The following TUBB3 variants were observed in gnomAD, a reference collection of about 807,000 sequenced individuals.
TUBB3 encodes the protein tubulin beta 3 class III, also known as tubulin beta-3 chain.
In TUBB3, 17 loss-of-function variants were observed where a neutral mutation model predicts 37.8. The observed-to-expected ratio is 0.45, with a 90% CI of 0.31 to 0.67. The LOEUF is 0.67. Ranked by LOEUF, TUBB3 falls within the 30% of genes least tolerant of loss-of-function variation. The probability of loss-of-function intolerance (pLI) is 0.07; values close to 1 mark genes in which losing one functional copy is unlikely to be tolerated. For missense variants in TUBB3, 262 were observed against 657.9 expected, an observed-to-expected ratio of 0.40 and a Z score of 6.58; for synonymous variants, 332 against 278.9, an observed-to-expected ratio of 1.19 and a Z score of -1.90.
intron 3 of TUBB3, 33 bp from the exon 4 acceptor site, chr16:89,934,696 C>T (rs1427412163): frequency 4.4e-6 from 7 of 1,605,438 alleles, no homozygotes; most frequent in East Asian, 2.2e-5. Flanking sequence ...GAGTCCCTGG[C>T]CCCTGTCTCT....
At chr16:89,934,626 C>A in intron 3 of TUBB3, 103 bp from the exon 4 acceptor site, 2 of 1,153,694 alleles carry the variant, frequency 1.7e-6, no homozygotes, top group East Asian at 2.5e-5. Context: ...ACAGAACAGG[C>A]ATGGGGCTGC....
At chr16:89,933,708 TCTCTCCATTTTACAGCTGGG>T in intron 3 of TUBB3, 130 bp downstream of exon 3, 1 of 806,718 alleles carries the variant, frequency 1.2e-6, no homozygotes, top group Non-Finnish European at 2.2e-6. Flanking sequence ...TGGGAACTCA[TCTCTCCATTTTACAGCTGGG>T]CATTGGAGGC....
intron 1 of TUBB3, among the ~76,000 whole-genome samples, chr16:89,926,117 G>A (rs1241604449): frequency 6.6e-6 from 1 of 152,152 alleles, no homozygotes; most frequent in Non-Finnish European, 1.5e-5. Flanking sequence ...CCCCACTGCC[G>A]CAGAGCTGAA....
At chr16:89,932,443 T>C (rs1476963228) in intron 1 of TUBB3, 128 bp from the exon 2 acceptor site, 12 of 736,224 alleles carry the variant, frequency 1.6e-5, no homozygotes, top group South Asian at 1.5e-5. Flanking sequence ...CTCTTCTGAA[T>C]GGGGCTCGTG....
At position 89,935,076 on chromosome 16, in the gene TUBB3, G is replaced by C; in HGVS notation, c.625G>C (p.Asp209His). ...TYCIDNEALYDICFRTLKLAT... is the reference protein window; with the variant it reads ...TYCIDNEALYHICFRTLKLAT... Reference sequence around the variant, plus strand: ...CTGCATCGACAACGAGGCGCTCTACGACATCTGCTTCCGCACCCTCAAGCT... The same window carrying C: ...CTGCATCGACAACGAGGCGCTCTACCACATCTGCTTCCGCACCCTCAAGCT... Residue 209 changes from aspartate to histidine, a missense_variant, in exon 4 of 4, where the codon GAC becomes CAC. Around this residue, in one of 3 missense-constraint regions of TUBB3, gnomAD observed 165 missense variants for 556.8 expected, o/e 0.30. Coordinates refer to ENST00000315491, the MANE Select transcript of TUBB3 (RefSeq NM_006086.4). 1 of 1,614,168 alleles carries C rather than the reference G, an allele frequency of 6.2e-7. No individual in the cohort carries two copies. Among genetic ancestry groups the C allele is most frequent in the Non-Finnish European group, 8.5e-7 (1 of 1,180,030 alleles).
chr16:89,933,589 C>G lies in TUBB3; in HGVS notation c.277+11C>G. 3 of 1,607,680 alleles carry G rather than the reference C, an allele frequency of 1.9e-6. No homozygotes were observed. The highest frequency in any genetic ancestry group is 1.1e-5 in the South Asian group (1 of 90,954). On this transcript the variant is annotated intron_variant, in intron 3 of 3. Transcript: ENST00000315491. ...ACAATTTCATCTTTGGTAAGTTCCC[C>G]CTGCTCCAAGCTCTGATGGCAGACC... is the stretch of plus-strand genomic sequence containing the variant.
chr16:89,927,356 G>A (rs1423194712), intron 1 of TUBB3, among the ~76,000 whole-genome samples: 1 of 151,424 alleles, frequency 6.6e-6, no homozygotes, highest in Admixed American at 6.6e-5. Flanking sequence ...CTGCATTCTA[G>A]CCTGGGCAAT....
At chr16:89,928,365 G>A (rs2030159952) in intron 1 of TUBB3, among the ~76,000 whole-genome samples, 1 of 150,174 alleles carries the variant, frequency 6.7e-6, no homozygotes, top group Non-Finnish European at 1.5e-5. Context: ...TGATTTTTTT[G>A]TTTGTTTGTT....
intron 1 of TUBB3, 68 bp from the exon 2 acceptor site, chr16:89,932,503 C>T: frequency 7.2e-7 from 1 of 1,385,546 alleles, no homozygotes; most frequent in African/African-American, 1.4e-5. Flanking sequence ...TAAAAGGCTT[C>T]ACAAGGGAAA....
At chr16:89,926,770 T>C (rs1465162189) in intron 1 of TUBB3, among the ~76,000 whole-genome samples, 1 of 151,586 alleles carries the variant, frequency 6.6e-6, no homozygotes, top group Non-Finnish European at 1.5e-5. Context: ...CAGGCTGGAG[T>C]GCAGTGGCGC....
In TUBB3 at chr16:89,933,490, C is replaced by G. The variant is rs146730216; in HGVS notation, c.189C>G (p.Ala63=). ...EASSHKYVPR[A]ILVDLEPGTM... is the part of the protein sequence containing the mutation. ...CAGCTCACAAGTACGTGCCTCGAGC[C>G]ATTCTGGTGGACCTGGAACCCGGAA... Residue 63 remains alanine (A), a synonymous_variant, in exon 3 of 4, where the codon GCC becomes GCG. Coordinates refer to ENST00000315491, the MANE Select transcript of TUBB3 (RefSeq NM_006086.4). The G allele has an allele frequency of 2.5e-6, 4 of 1,614,158 alleles. No individual in the cohort carries two copies. In the Admixed American group the frequency reaches 6.7e-5, roughly 27 times the overall value.
chr16:89,934,923 G>T lies in TUBB3; in HGVS notation c.472G>T (p.Glu158Ter). 1 of 1,614,130 alleles carries T rather than the reference G, an allele frequency of 6.2e-7. No individual in the cohort carries two copies. Among genetic ancestry groups the T allele is most frequent in the Non-Finnish European group, 8.5e-7 (1 of 1,180,012 alleles). ...GTTGCTCATCAGCAAGGTGCGTGAGGAGTATCCCGACCGCATCATGAACAC... is the reference window on the plus strand; with the variant it reads ...GTTGCTCATCAGCAAGGTGCGTGAGTAGTATCCCGACCGCATCATGAACAC... ...GTLLISKVRE[E>*]YPDRIMNTFS... The change falls in exon 4 of 4, where the codon GAG becomes TAG. Residue 158 changes from glutamate (E) to a stop codon, truncating the protein, a stop_gained. Coordinates refer to ENST00000315491, the MANE Select transcript of TUBB3 (RefSeq NM_006086.4). LOFTEE classifies it high-confidence loss of function.
intron 1 of TUBB3, among the ~76,000 whole-genome samples, chr16:89,925,519 G>C (rs115120164): frequency 0.048 from 7,316 of 152,094 alleles, 519 homozygotes; most frequent in African/African-American, 0.15. Flanking sequence ...TTGCTTCAGC[G>C]TGGGAGGTCG....
At chr16:89,925,266 G>GT (rs2144402334) in intron 1 of TUBB3, among the ~76,000 whole-genome samples, 1 of 152,222 alleles carries the variant, frequency 6.6e-6, no homozygotes, top group African/African-American at 2.4e-5. Context: ...TGAGTTGTTT[G>GT]TTTTTTCTTA....
intron 1 of TUBB3, among the ~76,000 whole-genome samples, chr16:89,928,303 C>G (rs1302827361): frequency 6.6e-6 from 1 of 151,806 alleles, no homozygotes; most frequent in Non-Finnish European, 1.5e-5. Flanking sequence ...TGATCCACCT[C>G]TCTTGGCCTC....
intron 1 of TUBB3, among the ~76,000 whole-genome samples, chr16:89,926,135 C>A (rs917326260): frequency 6.6e-6 from 1 of 152,224 alleles, no homozygotes; most frequent in African/African-American, 2.4e-5. Flanking sequence ...GAATCTGGAC[C>A]CCCGGGCTTT....
chr16:89,933,320 C>T (rs866306866), intron 2 of TUBB3, 148 bp from the exon 3 acceptor site: 1 of 788,970 alleles, frequency 1.3e-6, no homozygotes, highest in South Asian at 1.4e-5. Context: ...GTTGCTGAAG[C>T]TTGCCTTTGG....
At chr16:89,926,495 C>T (rs1440911200) in intron 1 of TUBB3, among the ~76,000 whole-genome samples, 1 of 152,266 alleles carries the variant, frequency 6.6e-6, no homozygotes, top group East Asian at 1.9e-4. Context: ...ACCCCAAGCG[C>T]TGCGCGAGGT....
At chr16:89,923,337 C>G (rs909379847), upstream of TUBB3, 21 of 1,376,570 alleles carry the variant, frequency 1.5e-5, no homozygotes, top group East Asian at 3.3e-5. Context: ...CCGCGGTCCC[C>G]GACCCTCAGC....
Sources: gnomAD v4.1 joint callset for allele counts (sites outside exome capture counted in the v4.1 genomes callset) on GRCh38, gnomAD v4.1.1 for gene constraint, gnomAD v4.1.1 regional missense constraint, MANE v1.5 for transcripts, NCBI Gene and HGNC (gene_info 2026-07-23, HGNC 2026-07-21) for gene names.